The following EPB41L4A variants were observed in gnomAD, a reference collection of about 807,000 sequenced individuals.
EPB41L4A encodes the protein erythrocyte membrane protein band 4.1 like 4A, also known as band 4.1-like protein 4A.
EPB41L4A carries 100 observed loss-of-function variants against 108.6 expected under a neutral mutation model. That is an observed-to-expected ratio of 0.92 (90% confidence interval 0.78 to 1.09). EPB41L4A has a LOEUF of 1.09. EPB41L4A is among the 50% of genes least tolerant of loss of function. The pLI is 0.00. For missense variants in EPB41L4A, 1,030 were observed against 842.7 expected, an observed-to-expected ratio of 1.22 and a Z score of -2.75; for synonymous variants, 319 against 289.0, an observed-to-expected ratio of 1.10 and a Z score of -1.05.
At chr5:112,238,319 A>T (rs1749509480) in intron 11 of EPB41L4A, among the ~76,000 whole-genome samples, 1 of 152,216 alleles carries the variant, frequency 6.6e-6, no homozygotes. Flanking sequence ...AACAGTGAAA[A>T]CCTAAAGGTT....
At chr5:112,389,203 C>A (rs181919088) in intron 1 of EPB41L4A, among the ~76,000 whole-genome samples, 2 of 152,254 alleles carry the variant, frequency 1.3e-5, no homozygotes, top group African/African-American at 4.8e-5. Context: ...AATTTTTACT[C>A]CCCTGTATTA....
At chr5:112,200,446 T>A (rs1480057425) in intron 15 of EPB41L4A, among the ~76,000 whole-genome samples, 1 of 152,198 alleles carries the variant, frequency 6.6e-6, no homozygotes, top group Non-Finnish European at 1.5e-5. Context: ...TTCCCTTAAG[T>A]ACCACATAGC....
At chr5:112,268,885 G>T (rs939338595) in intron 4 of EPB41L4A, among the ~76,000 whole-genome samples, 1 of 127,300 alleles carries the variant, frequency 7.9e-6, no homozygotes, top group Non-Finnish European at 1.7e-5. Context: ...CATCTGACTA[G>T]ACAATCAAAT....
At chr5:112,310,408 C>G (rs1022316910) in intron 1 of EPB41L4A, among the ~76,000 whole-genome samples, 10 of 152,112 alleles carry the variant, frequency 6.6e-5, no homozygotes, top group African/African-American at 2.4e-4. Context: ...TGGCTGGGAC[C>G]TCAATAAAAG....
intron 1 of EPB41L4A, among the ~76,000 whole-genome samples, chr5:112,318,743 G>A (rs1015379359): frequency 2.0e-5 from 3 of 152,174 alleles, no homozygotes; most frequent in Non-Finnish European, 4.4e-5. Flanking sequence ...ACCAGACTAA[G>A]ACTCAAATGT....
intron 1 of EPB41L4A, among the ~76,000 whole-genome samples, chr5:112,344,458 A>G (rs1757512388): frequency 6.6e-6 from 1 of 152,274 alleles, no homozygotes; most frequent in African/African-American, 2.4e-5. Flanking sequence ...TGTTTGTTGT[A>G]CATGGGGGTT....
At chr5:112,331,948 A>C (rs1246867507) in intron 1 of EPB41L4A, among the ~76,000 whole-genome samples, 1 of 152,254 alleles carries the variant, frequency 6.6e-6, no homozygotes, top group Non-Finnish European at 1.5e-5. Context: ...TCCCAAGAAC[A>C]GCCAGGGGTT....
At chr5:112,362,930 G>C (rs1758869958) in intron 1 of EPB41L4A, among the ~76,000 whole-genome samples, 1 of 150,298 alleles carries the variant, frequency 6.7e-6, no homozygotes, top group Non-Finnish European at 1.5e-5. Flanking sequence ...TTTTTTTAAA[G>C]GCAAGATTTC....
chr5:112,367,426 C>T (rs910667194), intron 1 of EPB41L4A, among the ~76,000 whole-genome samples: 2 of 152,298 alleles, frequency 1.3e-5, no homozygotes, highest in East Asian at 1.9e-4. Flanking sequence ...CCTATCTTCC[C>T]TTATCACTCA....
At chr5:112,301,037 C>A (rs552841698) in intron 2 of EPB41L4A, among the ~76,000 whole-genome samples, 1 of 152,118 alleles carries the variant, frequency 6.6e-6, no homozygotes, top group South Asian at 2.1e-4. Context: ...ACTGAAGATT[C>A]CTCCCCTCGT....
At chr5:112,153,083 G>A (rs951800155) in intron 12 of EPB41L4A, among the ~76,000 whole-genome samples, 1 of 152,088 alleles carries the variant, frequency 6.6e-6, no homozygotes, top group African/African-American at 2.4e-5. Flanking sequence ...GCCTGGCATG[G>A]TGTTGTGGGC....
At chr5:112,188,712 C>T (rs1340394433) in intron 17 of EPB41L4A, among the ~76,000 whole-genome samples, 4 of 152,128 alleles carry the variant, frequency 2.6e-5, no homozygotes, top group African/African-American at 9.7e-5. Flanking sequence ...ATTTTTACCT[C>T]GTTTGCAGCC....
At chr5:112,414,266 AAG>A (rs139371266) in intron 1 of EPB41L4A, among the ~76,000 whole-genome samples, 5,137 of 152,258 alleles carry the variant, frequency 0.034, 307 homozygotes, top group African/African-American at 0.12. Flanking sequence ...ACCATTCCAA[AAG>A]AGGGGGAAAA....
intron 1 of EPB41L4A, among the ~76,000 whole-genome samples, chr5:112,381,417 G>C (rs1248297753): frequency 1.3e-5 from 2 of 152,166 alleles, no homozygotes; most frequent in Non-Finnish European, 2.9e-5. Context: ...GCTTAGAAAG[G>C]TTAAGTGACT....
At chr5:112,330,242 C>G (rs192855638) in intron 1 of EPB41L4A, among the ~76,000 whole-genome samples, 1 of 151,780 alleles carries the variant, frequency 6.6e-6, no homozygotes, top group Non-Finnish European at 1.5e-5. Flanking sequence ...GCAGGGCAGT[C>G]CCTGGGATTA....
intron 16 of EPB41L4A, among the ~76,000 whole-genome samples, chr5:112,195,260 C>A (rs1277197911): frequency 6.6e-6 from 1 of 152,030 alleles, no homozygotes; most frequent in African/African-American, 2.4e-5. Context: ...AAGATGCCAA[C>A]ACGAAAGAGA....
Position 112,240,773 on chromosome 5 carries a change from T to C in EPB41L4A, c.833A>G (p.Lys278Arg). 1 of 1,590,468 alleles carries C rather than the reference T, an allele frequency of 6.3e-7. No individual in the cohort carries two copies. Among genetic ancestry groups the C allele is most frequent in the Non-Finnish European group, 8.5e-7 (1 of 1,174,222 alleles). The change falls in exon 10 of 23, where the codon AAA becomes AGA. Residue 278 changes from lysine to arginine, a missense_variant. Coordinates refer to ENST00000261486, the MANE Select transcript of EPB41L4A (RefSeq NM_022140.5). ...ETSFFFEARSKTACKHLWKCS... is the reference protein window; with the variant it reads ...ETSFFFEARSRTACKHLWKCS... ...CTTCCAGAGGTGCTTGCAAGCAGTT[T>C]TACTCCGAGCTTCAAAAAAGAATGA...
Position 112,290,112 on chromosome 5 carries a change from A to G in EPB41L4A, c.205-9789T>C, listed in dbSNP as rs1443410964. On this transcript the variant is annotated intron_variant, in intron 2 of 22. Coordinates refer to ENST00000261486, the MANE Select transcript of EPB41L4A (RefSeq NM_022140.5). ...TCAAGAAACCAGAGATGACTGTGAA[A>G]AGCCATCCTAACTAATTATCTTTCA... Among the ~76,000 whole-genome samples the G allele has an allele frequency of 2.0e-5, 3 of 152,220 alleles. No individual in the cohort carries two copies. The South Asian group carries it at 6.2e-4, about 32-fold the overall frequency.
intron 12 of EPB41L4A, among the ~76,000 whole-genome samples, chr5:112,230,571 T>C (rs1186539349): frequency 1.3e-5 from 2 of 152,150 alleles, no homozygotes; most frequent in South Asian, 4.1e-4. Flanking sequence ...CACTTTTTGA[T>C]GGGTTATTCA....
Sources: allele counts gnomAD v4.1 joint callset (sites outside exome capture counted in the v4.1 genomes callset), GRCh38; gene constraint gnomAD v4.1.1; transcripts MANE v1.5; gene names NCBI Gene and HGNC (gene_info 2026-07-23, HGNC 2026-07-21).